Variants in CSF1R observed in about 807,000 individuals in gnomAD.
CSF1R encodes the protein macrophage colony-stimulating factor 1 receptor.
A neutral mutation model predicts 110.0 loss-of-function variants in CSF1R; 40 were observed. That is an observed-to-expected ratio of 0.36 (90% confidence interval 0.28 to 0.47). The LOEUF (loss-of-function observed/expected upper bound fraction) is 0.47, where lower values mean the gene tolerates loss of function less well. Ranked by LOEUF, CSF1R falls within the 20% of genes least tolerant of loss-of-function variation. The pLI, the probability that CSF1R is intolerant of heterozygous loss-of-function variation, is 0.99. For synonymous variants in CSF1R, 523 were observed against 503.4 expected, an observed-to-expected ratio of 1.04 and a Z score of -0.52; for missense variants, 1,052 against 1,253.0, an observed-to-expected ratio of 0.84 and a Z score of 2.42.
chr5:150,076,326 CTATCT>C (rs1758257719), intron 5 of CSF1R, among the ~76,000 whole-genome samples: 7 of 1,052 alleles, frequency 6.7e-3, no homozygotes, highest in Admixed American at 0.017. Flanking sequence ...TACTTCCTAT[CTATCT>C]ATCTATCTAT....
At chr5:150,074,187 G>C (rs1444649406) in intron 5 of CSF1R, among the ~76,000 whole-genome samples, 1 of 152,122 alleles carries the variant, frequency 6.6e-6, no homozygotes, top group Non-Finnish European at 1.5e-5. Flanking sequence ...TGAACACCTG[G>C]ATCCAAGTGT....
At chr5:150,063,025 AT>A (rs112588144) in intron 10 of CSF1R, among the ~76,000 whole-genome samples, 298 of 147,172 alleles carry the variant, frequency 2.0e-3, no homozygotes, top group Middle Eastern at 6.8e-3. Context: ...CCCTTTTGGG[AT>A]TTTTTTTTTT....
At chr5:150,065,028 C>T (rs935109621) in intron 10 of CSF1R, among the ~76,000 whole-genome samples, 1 of 152,172 alleles carries the variant, frequency 6.6e-6, no homozygotes, top group Non-Finnish European at 1.5e-5. Context: ...ATGATGGCAG[C>T]GGGTTCTTCC....
Position 150,054,354 on chromosome 5 carries a change from G to A in CSF1R, c.2731C>T (p.Gln911Ter), listed in dbSNP as rs1187766051. Residue 911 changes from glutamine to a stop codon, truncating the protein, a stop_gained, in exon 20 of 21, where the codon CAG becomes TAG. Coordinates refer to ENST00000675795, the MANE Select transcript of CSF1R (RefSeq NM_001288705.3). LOFTEE classifies it high-confidence loss of function. The stretch of plus-strand genomic sequence containing the variant: ...CTCCTGTCCTCTTGGGCCTGCTCCT[G>A]AAGGAAGGAGCAGATCTGCTGGAAG... The part of the protein sequence containing the change: ...PTFQQICSFL[Q>*]EQAQEDRRER... 1 of 1,614,138 alleles carries A rather than the reference G, an allele frequency of 6.2e-7. No homozygotes were observed. The highest frequency in any genetic ancestry group is 8.5e-7 in the Non-Finnish European group (1 of 1,180,020).
At chr5:150,100,079 G>A (rs1343698370) in intron 1 of CSF1R, among the ~76,000 whole-genome samples, 1 of 152,068 alleles carries the variant, frequency 6.6e-6, no homozygotes, top group Non-Finnish European at 1.5e-5. Flanking sequence ...TGGGCACTGT[G>A]GGACGCACCC....
chr5:150,074,366 G>C (rs997919034), intron 5 of CSF1R, among the ~76,000 whole-genome samples: 7 of 143,626 alleles, frequency 4.9e-5, no homozygotes, highest in African/African-American at 1.8e-4. Flanking sequence ...GGAGTGCAGT[G>C]GCACAGTCTC....
chr5:150,097,372 A>T (rs575814981), intron 1 of CSF1R, among the ~76,000 whole-genome samples: 149 of 151,740 alleles, frequency 9.8e-4, no homozygotes, highest in East Asian at 5.8e-4. Context: ...AGAGAAAGAG[A>T]AGGAAAGAAG....
chr5:150,064,469 G>C (rs905510946), intron 10 of CSF1R, among the ~76,000 whole-genome samples: 3 of 152,174 alleles, frequency 2.0e-5, no homozygotes, highest in Non-Finnish European at 2.9e-5. Flanking sequence ...GAGCCTCTGC[G>C]TTATAGCTTG....
intron 1 of CSF1R, among the ~76,000 whole-genome samples, chr5:150,097,403 GAAAGAAAGAAA>G (rs1759261661): frequency 6.9e-6 from 1 of 144,386 alleles, no homozygotes; most frequent in East Asian, 2.0e-4. Context: ...GAAAGAAGAA[GAAAGAAAGAAA>G]AAAGAAAGAA....
Position 150,078,257 on chromosome 5 carries a change from G to A in CSF1R, c.593-9C>T, listed in dbSNP as rs191671408. The stretch of plus-strand genomic sequence containing the variant: ...TGGGGGCCCTGGGATGACTGAGACC[G>A]GGGGAGAGACCCCTGAACACCCAGG... On this transcript the variant is annotated splice_polypyrimidine_tract_variant and intron_variant, in intron 3 of 20. Coordinates refer to ENST00000675795, the MANE Select transcript of CSF1R (RefSeq NM_001288705.3). 408 of 1,613,650 alleles carry A rather than the reference G, an allele frequency of 2.5e-4. 1 individual carries two copies. The highest frequency in any genetic ancestry group is 3.1e-4 in the African/African-American group (23 of 74,972).
chr5:150,062,138 A>G (rs555332740), intron 10 of CSF1R, among the ~76,000 whole-genome samples: 3 of 152,280 alleles, frequency 2.0e-5, no homozygotes, highest in Non-Finnish European at 2.9e-5. Context: ...GATATCTCTG[A>G]TAATCTGGTA....
At position 150,109,066 on chromosome 5, in the gene CSF1R, C is replaced by A. The variant is rs1044941400; in HGVS notation, c.-181+4195G>T. ...ATCCCAAGGAGAAGCCCGCCCCCCC[C>A]CCACCACCCAAGAAATTCCAGGAGC... On this transcript the variant is annotated intron_variant, in intron 1 of 21. Transcript: ENST00000286301. Among the ~76,000 whole-genome samples, 10 of 146,034 alleles carry A rather than the reference C, an allele frequency of 6.8e-5. 1 individual carries two copies. The highest frequency in any genetic ancestry group is 4.8e-4 in the Admixed American group (7 of 14,690).
At position 150,059,819 on chromosome 5, in the gene CSF1R, C is replaced by T. The variant is rs2113787668; in HGVS notation, c.2013G>A (p.Leu671=). 2 of 1,614,166 alleles carry T rather than the reference C, an allele frequency of 1.2e-6. No individual in the cohort carries two copies. The highest frequency in any genetic ancestry group is 1.7e-6 in the Non-Finnish European group (2 of 1,180,040). The change falls in exon 14 of 21, where the codon CTG becomes CTA. Residue 671 remains leucine (L), a synonymous_variant. Coordinates refer to ENST00000675795, the MANE Select transcript of CSF1R (RefSeq NM_001288705.3). ...VITEYCCYGD[L]LNFLRRKAEA... is the part of the protein sequence containing the mutation. ...CAGCCTTCCTTCGCAGAAAGTTGAG[C>T]AGGTCGCCATAGCAACAGTACTCCG...
chr5:150,057,214 CCAT>C, intron 16 of CSF1R, 70 bp downstream of exon 16: 1 of 1,331,210 alleles, frequency 7.5e-7, no homozygotes, highest in South Asian at 1.2e-5. Context: ...TTCCTCCTCC[CCAT>C]CGTCACTCAT....
chr5:150,060,850 CA>C lies in CSF1R; in HGVS notation c.1969+11del. 6.3e-7 allele frequency: 1 copy of C among 1,587,802 alleles called. No individual in the cohort carries two copies. Among genetic ancestry groups the C allele is most frequent in the Non-Finnish European group, 8.6e-7 (1 of 1,163,096 alleles). On this transcript the variant is annotated intron_variant, in intron 13 of 20. Transcript: ENST00000675795. Reference sequence around the variant, plus strand: ...CCCAAGACCTTGGCCCCAGGAACCCCAAGGCCCTTACCTCCATGGGTACAGG... The same window carrying C: ...CCCAAGACCTTGGCCCCAGGAACCCCAGGCCCTTACCTCCATGGGTACAGG...
intron 16 of CSF1R, 37 bp downstream of exon 16, chr5:150,057,250 C>G (rs1757263596): frequency 6.3e-7 from 1 of 1,589,836 alleles, no homozygotes; most frequent in Non-Finnish European, 8.6e-7. Flanking sequence ...GAGCACAGAC[C>G]TGGGTGGCTA....
At chr5:150,059,233 G>A (rs922991282) in intron 14 of CSF1R, among the ~76,000 whole-genome samples, 7 of 152,106 alleles carry the variant, frequency 4.6e-5, no homozygotes, top group African/African-American at 1.4e-4. Context: ...TAATAGAGAC[G>A]GGGTTTCACC....
chr5:150,060,492 T>A, intron 13 of CSF1R, among the ~76,000 whole-genome samples: 1 of 151,944 alleles, frequency 6.6e-6, no homozygotes, highest in Non-Finnish European at 1.5e-5. Flanking sequence ...CGGGGCACCT[T>A]TGGGGGCCCT....
At chr5:150,092,146 A>G (rs1759063992) in intron 1 of CSF1R, among the ~76,000 whole-genome samples, 1 of 152,254 alleles carries the variant, frequency 6.6e-6, no homozygotes, top group Non-Finnish European at 1.5e-5. Flanking sequence ...AAAAGCAGCC[A>G]TAGCCAATAC....
Sources: gnomAD v4.1 joint callset for allele counts (sites outside exome capture counted in the v4.1 genomes callset) on GRCh38, gnomAD v4.1.1 for gene constraint, MANE v1.5 for transcripts, NCBI Gene and HGNC (gene_info 2026-07-23, HGNC 2026-07-21) for gene names.